RYR2: variants seen among roughly 807,000 people sequenced by gnomAD.
RYR2 encodes ryanodine receptor 2.
In RYR2, 227 loss-of-function variants were observed where a neutral mutation model predicts 601.1. That is an observed-to-expected ratio of 0.38 (90% CI 0.34 to 0.42). RYR2 has a LOEUF of 0.42. Among genes scored for constraint, RYR2 ranks in the 10% least tolerant of loss-of-function variants. The pLI, the probability that RYR2 is intolerant of heterozygous loss-of-function variation, is 1.00. For missense variants in RYR2, 4,646 were observed against 6,156.5 expected, an observed-to-expected ratio of 0.75 and a Z score of 8.21; for synonymous variants, 2,223 against 2,175.1, an observed-to-expected ratio of 1.02 and a Z score of -0.61.
chr1:237,763,644 A>AT (rs1693607994), intron 84 of RYR2, among the ~76,000 whole-genome samples: 1 of 152,188 alleles, frequency 6.6e-6, no homozygotes, highest in African/African-American at 2.4e-5. Context: ...AAGGGATGAG[A>AT]TTTTAGATAG....
chr1:237,657,591 T>G (rs886680771), intron 53 of RYR2, among the ~76,000 whole-genome samples: 1 of 151,682 alleles, frequency 6.6e-6, no homozygotes, highest in Non-Finnish European at 1.5e-5. Context: ...ACTACTAAAT[T>G]TAGTGCTTGT....
At chr1:237,387,643 G>A (rs1702047030) in intron 9 of RYR2, among the ~76,000 whole-genome samples, 1 of 152,120 alleles carries the variant, frequency 6.6e-6, no homozygotes, top group Admixed American at 6.5e-5. Flanking sequence ...GCTTCCTATG[G>A]ATTGTTTTCT....
At chr1:237,388,584 C>A (rs1361262359) in intron 10 of RYR2, among the ~76,000 whole-genome samples, 1 of 151,860 alleles carries the variant, frequency 6.6e-6, no homozygotes, top group Admixed American at 6.6e-5. Context: ...ATTTTAGGAC[C>A]CTTTGCTATG....
chr1:237,814,249 G>A (rs562921047), intron 100 of RYR2, among the ~76,000 whole-genome samples: 1 of 152,348 alleles, frequency 6.6e-6, no homozygotes, highest in African/African-American at 2.4e-5. Flanking sequence ...CAAGAAAGCA[G>A]CACAGAATAG....
chr1:237,317,379 A>G (rs192970526), intron 2 of RYR2, among the ~76,000 whole-genome samples: 23 of 152,352 alleles, frequency 1.5e-4, no homozygotes, highest in Non-Finnish European at 4.4e-5. Context: ...ACAAAAGTTT[A>G]AACATAGTTG....
At chr1:237,679,281 A>G (rs1039584084) in intron 61 of RYR2, among the ~76,000 whole-genome samples, 19 of 152,176 alleles carry the variant, frequency 1.2e-4, no homozygotes, top group Non-Finnish European at 8.8e-5. Flanking sequence ...ATCTGTTTAC[A>G]GATGCTTAAT....
intron 40 of RYR2, among the ~76,000 whole-genome samples, chr1:237,626,740 GT>G (rs1679717256): frequency 6.6e-6 from 1 of 151,194 alleles, no homozygotes; most frequent in Non-Finnish European, 1.5e-5. Context: ...CGCCTGATTA[GT>G]TTTTATATTT....
chr1:237,155,437 A>G (rs1311507217), intron 1 of RYR2, among the ~76,000 whole-genome samples: 3 of 151,962 alleles, frequency 2.0e-5, no homozygotes, highest in Non-Finnish European at 2.9e-5. Context: ...CCACCTCCCA[A>G]AGTGCTGGGA....
chr1:237,342,989 A>G (rs1697962092), intron 3 of RYR2, among the ~76,000 whole-genome samples: 1 of 152,164 alleles, frequency 6.6e-6, no homozygotes, highest in Non-Finnish European at 1.5e-5. Flanking sequence ...TGGGAGGATC[A>G]CTTGAGCCCA....
At chr1:237,055,205 A>G (rs1661833070) in intron 1 of RYR2, among the ~76,000 whole-genome samples, 1 of 152,100 alleles carries the variant, frequency 6.6e-6, no homozygotes, top group African/African-American at 2.4e-5. Flanking sequence ...GAGAGAGATG[A>G]CGGGCGAGTA....
At chr1:237,353,454 A>T (rs1020386120) in intron 3 of RYR2, among the ~76,000 whole-genome samples, 2 of 149,050 alleles carry the variant, frequency 1.3e-5, no homozygotes, top group East Asian at 4.0e-4. Flanking sequence ...GGTTACAGTG[A>T]GCCGAGATTT....
intron 102 of RYR2, 41 bp from the exon 103 acceptor site, chr1:237,830,489 C>A: frequency 1.6e-6 from 2 of 1,253,126 alleles, no homozygotes; most frequent in Non-Finnish European, 2.4e-6. Context: ...TTTTGTTTTG[C>A]TTTCTGAACT....
rs749584301 is a variant in RYR2 at position 237,786,002 on chromosome 1, A to C, written c.13294A>C (p.Lys4432Gln). The C allele has an allele frequency of 6.3e-7, 1 of 1,592,830 alleles. No homozygotes were observed. Among genetic ancestry groups the C allele is most frequent in the East Asian group, 2.3e-5 (1 of 44,310 alleles). ...QKAKEEEKEE[K>Q]EETKSEPEKA... The stretch of plus-strand genomic sequence containing the variant: ...GGCAAAAGAAGAAGAAAAGGAAGAA[A>C]AAGAAGAAACCAAATCTGAACCTGA... Residue 4432 changes from lysine (K) to glutamine (Q), a missense_variant, in exon 91 of 105, where the codon AAA becomes CAA. Transcript: ENST00000366574.
intron 73 of RYR2, among the ~76,000 whole-genome samples, chr1:237,721,559 T>G (rs1315349990): frequency 6.6e-6 from 1 of 152,126 alleles, no homozygotes; most frequent in African/African-American, 2.4e-5. Context: ...ACTCTGTCAC[T>G]CAGACTGGAG....
At chr1:237,650,541 G>A (rs964337055) in intron 50 of RYR2, among the ~76,000 whole-genome samples, 1 of 152,208 alleles carries the variant, frequency 6.6e-6, no homozygotes, top group African/African-American at 2.4e-5. Flanking sequence ...GTGTGGCAAC[G>A]ATGAAGGCTG....
At chr1:237,820,202 A>T (rs1331691331) in intron 101 of RYR2, among the ~76,000 whole-genome samples, 1 of 151,706 alleles carries the variant, frequency 6.6e-6, no homozygotes, top group Non-Finnish European at 1.5e-5. Flanking sequence ...AAAAAAAAAA[A>T]AAAAAGGTGG....
At chr1:237,270,248 A>C in intron 1 of RYR2, 1 of 623,720 alleles carries the variant, frequency 1.6e-6, no homozygotes, top group Non-Finnish European at 3.0e-6. Flanking sequence ...GTACAGTCAG[A>C]AAACTACTGA....
chr1:237,693,157 A>G (rs1488487677), intron 63 of RYR2, among the ~76,000 whole-genome samples: 1 of 151,886 alleles, frequency 6.6e-6, no homozygotes, highest in Admixed American at 6.6e-5. Flanking sequence ...TGCTTAAGAG[A>G]TTATTAAGAA....
At chr1:237,328,272 G>GT (rs554335068) in intron 2 of RYR2, among the ~76,000 whole-genome samples, 81 of 151,818 alleles carry the variant, frequency 5.3e-4, no homozygotes, top group Middle Eastern at 3.4e-3. Context: ...TACATTAACA[G>GT]TTTTTTTTAC....
Sources: allele counts gnomAD v4.1 joint callset (sites outside exome capture counted in the v4.1 genomes callset), GRCh38; gene constraint gnomAD v4.1.1; transcripts MANE v1.5; gene names NCBI Gene and HGNC (gene_info 2026-07-23, HGNC 2026-07-21).